The following ARHGAP11B variants were observed in gnomAD, a reference collection of about 807,000 sequenced individuals.
ARHGAP11B encodes Rho GTPase activating protein 11B.
Under a neutral mutation model 27.6 loss-of-function variants are expected in ARHGAP11B, and 14 were observed. That is an observed-to-expected ratio of 0.51 (90% CI 0.34 to 0.79). The LOEUF (loss-of-function observed/expected upper bound fraction) is 0.79. ARHGAP11B is among the 30% of genes least tolerant of loss of function. The pLI is 0.02. For synonymous variants in ARHGAP11B, 82 were observed against 114.1 expected, an observed-to-expected ratio of 0.72 and a Z score of 1.80; for missense variants, 245 against 320.1, an observed-to-expected ratio of 0.77 and a Z score of 1.79.
intron 6 of ARHGAP11B, among the ~76,000 whole-genome samples, chr15:30,636,682 C>T (rs1427901692): frequency 2.0e-5 from 3 of 152,132 alleles, no homozygotes; most frequent in Non-Finnish European, 2.9e-5. Context: ...TTCTGGAGGC[C>T]AGAAGTCTGA....
At chr15:30,631,235 T>C (rs562131896) in intron 2 of ARHGAP11B, among the ~76,000 whole-genome samples, 2 of 151,840 alleles carry the variant, frequency 1.3e-5, no homozygotes, top group South Asian at 4.1e-4. Context: ...AATGAGTAAA[T>C]GTTAGAAATC....
chr15:30,648,397 T>C (rs1196136985), exon 11 of ARHGAP11B, among the ~76,000 whole-genome samples: 1 of 152,006 alleles, frequency 6.6e-6, no homozygotes, highest in Non-Finnish European at 1.5e-5. Flanking sequence ...ATTATCTTTT[T>C]CTCATTCTCT....
chr15:30,632,575 A>G (rs1440832552), intron 2 of ARHGAP11B, among the ~76,000 whole-genome samples: 1 of 151,634 alleles, frequency 6.6e-6, no homozygotes, highest in Non-Finnish European at 1.5e-5. Context: ...TAAGGCTGAC[A>G]TTCAGCCACT....
rs1487950433 is a variant in ARHGAP11B, at chr15:30,635,387, A to G, written c.661-100A>G. On this transcript the variant is annotated intron_variant, in intron 5 of 10. Coordinates refer to ENST00000428041, the Ensembl canonical transcript of ARHGAP11B. ...CCTACAGTACCGGCCCCTCCTGCAA[A>G]GAAAAAAAGAAAAGAAATTGGTATA... is the stretch of plus-strand genomic sequence containing the variant. 4 of 1,490,536 alleles carry G rather than the reference A, an allele frequency of 2.7e-6. No homozygotes were observed. In the African/African-American group the frequency reaches 5.6e-5, roughly 21 times the overall value. The allele number at this position is 1,490,536 out of a possible 1,614,324, so 92.3% of individuals were successfully genotyped here.
intron 1 of ARHGAP11B, among the ~76,000 whole-genome samples, chr15:30,627,181 C>T (rs2060215045): frequency 6.6e-6 from 1 of 151,778 alleles, no homozygotes; most frequent in Non-Finnish European, 1.5e-5. Context: ...AACTTCAGCA[C>T]TATTGACATT....
intron 6 of ARHGAP11B, among the ~76,000 whole-genome samples, chr15:30,636,178 T>TA (rs1315646189): frequency 1.3e-5 from 2 of 151,696 alleles, no homozygotes; most frequent in East Asian, 1.9e-4. Context: ...TGATATGATT[T>TA]AAAAATTTTA....
At chr15:30,644,464 TTATC>T (rs1826271473) in intron 7 of ARHGAP11B, among the ~76,000 whole-genome samples, 2 of 152,188 alleles carry the variant, frequency 1.3e-5, no homozygotes, top group Non-Finnish European at 2.9e-5. Flanking sequence ...TTAAAATAAA[TTATC>T]TATATTTGTA....
At position 30,640,511 on chromosome 15, in the gene ARHGAP11B, C is replaced by G. The variant is rs1046173276; in HGVS notation, c.*78+1691C>G. 4.4e-3 allele frequency among the ~76,000 whole-genome samples: 651 copies of G among 146,836 alleles called. 1 individual carries two copies. The highest frequency in any genetic ancestry group is 0.015 in the African/African-American group (618 of 39,920). ...TTCAAGTTGGCTCATATTAACCTTACGATCAACCAAAAATGAAATGAAACT... is the reference window on the plus strand; with the variant it reads ...TTCAAGTTGGCTCATATTAACCTTAGGATCAACCAAAAATGAAATGAAACT... On this transcript the variant is annotated intron_variant, in intron 7 of 10. Transcript: ENST00000428041.
exon 11 of ARHGAP11B, among the ~76,000 whole-genome samples, chr15:30,648,375 C>G (rs368564650): frequency 6.6e-6 from 1 of 152,002 alleles, no homozygotes; most frequent in Non-Finnish European, 1.5e-5. Flanking sequence ...GCCTGTAAGA[C>G]TTGGCCAAAT....
intron 3 of ARHGAP11B, 66 bp downstream of exon 3, chr15:30,633,652 A>T (rs1461227108): frequency 2.8e-6 from 4 of 1,434,066 alleles, no homozygotes; most frequent in Non-Finnish European, 3.9e-6. Context: ...TTAAAACTGA[A>T]ATATTTAGAA....
chr15:30,647,227 G>GT (rs2060355567), intron 9 of ARHGAP11B, among the ~76,000 whole-genome samples: 1 of 151,466 alleles, frequency 6.6e-6, no homozygotes, highest in Non-Finnish European at 1.5e-5. Flanking sequence ...GCGTTTTTTT[G>GT]TTTTTTGTTT....
intron 8 of ARHGAP11B, among the ~76,000 whole-genome samples, chr15:30,645,701 AT>A (rs2060343397): frequency 6.6e-6 from 1 of 151,752 alleles, no homozygotes; most frequent in Non-Finnish European, 1.5e-5. Context: ...TATCCTCGTT[AT>A]TTTTTTACAG....
chr15:30,634,263 C>A, exon 4 of ARHGAP11B: 1 of 1,612,722 alleles, frequency 6.2e-7, no homozygotes, highest in Non-Finnish European at 8.5e-7. Context: ...ACTGCCAGAG[C>A]CCATTCTCCC....
At chr15:30,631,885 C>A (rs1247775391) in intron 2 of ARHGAP11B, among the ~76,000 whole-genome samples, 3 of 149,424 alleles carry the variant, frequency 2.0e-5, no homozygotes, top group African/African-American at 7.4e-5. Flanking sequence ...CTCCTGGGTT[C>A]AAGTGATTCT....
chr15:30,638,699 A>C, intron 6 of ARHGAP11B, 47 bp from the exon 7 acceptor site: 2 of 1,179,678 alleles, frequency 1.7e-6, no homozygotes, highest in Non-Finnish European at 2.4e-6. Context: ...TTATTGGTGA[A>C]AGACAAGTAA....
At chr15:30,632,585 T>C (rs2060252985) in intron 2 of ARHGAP11B, among the ~76,000 whole-genome samples, 1 of 151,492 alleles carries the variant, frequency 6.6e-6, no homozygotes, top group Admixed American at 6.6e-5. Context: ...ATTCAGCCAC[T>C]GTGCACCAAT....
intron 7 of ARHGAP11B, among the ~76,000 whole-genome samples, chr15:30,642,774 A>G (rs1443744131): frequency 6.6e-6 from 1 of 152,054 alleles, no homozygotes; most frequent in Non-Finnish European, 1.5e-5. Flanking sequence ...GAGTTTAAAG[A>G]AAAGCTCTAA....
intron 6 of ARHGAP11B, 55 bp from the exon 7 acceptor site, chr15:30,638,691 A>G: frequency 1.8e-6 from 2 of 1,097,934 alleles, no homozygotes; most frequent in East Asian, 2.8e-5. Flanking sequence ...AATATGAATT[A>G]TTGGTGAAAG....
chr15:30,635,675 T>C (rs753938491), intron 6 of ARHGAP11B, 42 bp downstream of exon 6: 7 of 1,603,880 alleles, frequency 4.4e-6, no homozygotes, highest in Non-Finnish European at 2.6e-6. Flanking sequence ...GTGATTTGCT[T>C]TAATCGAAAG....
Sources: allele counts gnomAD v4.1 joint callset (sites outside exome capture counted in the v4.1 genomes callset), GRCh38; gene constraint gnomAD v4.1.1; transcripts MANE v1.5; gene names NCBI Gene and HGNC (gene_info 2026-07-23, HGNC 2026-07-21).